MYOM1: variants seen among roughly 807,000 people sequenced by gnomAD.
MYOM1 encodes myomesin 1.
In MYOM1, 164 loss-of-function variants were observed where a neutral mutation model predicts 205.3. That is an observed-to-expected ratio of 0.80 (90% CI 0.70 to 0.91). The LOEUF (loss-of-function observed/expected upper bound fraction) is 0.91, where lower values mean the gene tolerates loss of function less well. Ranked by LOEUF, MYOM1 falls within the 40% of genes least tolerant of loss-of-function variation. The pLI is 0.00. For missense variants in MYOM1, 2,011 were observed against 2,127.3 expected, an observed-to-expected ratio of 0.95 and a Z score of 1.08; for synonymous variants, 772 against 789.4, an observed-to-expected ratio of 0.98 and a Z score of 0.37.
At chr18:3,161,495 G>A (rs1486377714) in intron 10 of MYOM1, among the ~76,000 whole-genome samples, 1 of 152,150 alleles carries the variant, frequency 6.6e-6, no homozygotes, top group East Asian at 1.9e-4. Context: ...AGTGATGAGG[G>A]CACTAAGCAG....
intron 23 of MYOM1, 67 bp downstream of exon 23, chr18:3,102,407 A>T: frequency 6.9e-7 from 1 of 1,441,262 alleles, no homozygotes; most frequent in South Asian, 1.5e-5. Context: ...TTAAGTGGAA[A>T]TCAGAGCTCA....
chr18:3,108,675 G>C (rs1321347849), intron 22 of MYOM1, among the ~76,000 whole-genome samples: 1 of 151,868 alleles, frequency 6.6e-6, no homozygotes, highest in African/African-American at 2.4e-5. Flanking sequence ...CAAGTAGCTG[G>C]GATTACAGGT....
intron 19 of MYOM1, among the ~76,000 whole-genome samples, chr18:3,124,702 C>T (rs570701594): frequency 3.3e-5 from 5 of 151,882 alleles, no homozygotes; most frequent in Non-Finnish European, 7.4e-5. Context: ...GCTTAACTCA[C>T]AGCATATAAA....
chr18:3,137,961 TA>T (rs146244331), intron 14 of MYOM1, among the ~76,000 whole-genome samples: 2,146 of 152,250 alleles, frequency 0.014, 46 homozygotes, highest in African/African-American at 0.047. Flanking sequence ...AAAACCAGAT[TA>T]AAAAAAGATG....
intron 14 of MYOM1, among the ~76,000 whole-genome samples, chr18:3,140,602 A>C (rs1457634658): frequency 6.6e-6 from 1 of 152,238 alleles, no homozygotes; most frequent in Non-Finnish European, 1.5e-5. Flanking sequence ...ATGCAGCTCA[A>C]AGATATTTGC....
intron 11 of MYOM1, 98 bp downstream of exon 11, chr18:3,154,849 G>T: frequency 1.5e-6 from 2 of 1,347,112 alleles, no homozygotes; most frequent in Non-Finnish European, 2.0e-6. Flanking sequence ...GGAGAGGAAA[G>T]CCAGAAAAGA....
At chr18:3,181,732 A>ATT (rs11448786) in intron 5 of MYOM1, among the ~76,000 whole-genome samples, 6,182 of 126,974 alleles carry the variant, frequency 0.049, 521 homozygotes, top group African/African-American at 0.15. Flanking sequence ...AAACTGAATA[A>ATT]TTTTTTTTTT....
intron 19 of MYOM1, 51 bp from the exon 20 acceptor site, chr18:3,120,046 T>C (rs1196099061): frequency 6.6e-7 from 1 of 1,519,752 alleles, no homozygotes; most frequent in Non-Finnish European, 8.8e-7. Context: ...TTTGTTTTTT[T>C]TTTTCTACTT....
At chr18:3,082,102 C>T (rs1170571446) in intron 33 of MYOM1, among the ~76,000 whole-genome samples, 3 of 152,242 alleles carry the variant, frequency 2.0e-5, no homozygotes, top group African/African-American at 7.2e-5. Flanking sequence ...AGGGTTCGCG[C>T]TCCTATGAGA....
intron 25 of MYOM1, among the ~76,000 whole-genome samples, chr18:3,097,145 A>G (rs902727829): frequency 1.3e-5 from 2 of 152,232 alleles, no homozygotes; most frequent in African/African-American, 4.8e-5. Context: ...GAAATAAGAC[A>G]GTTTAAAACT....
intron 10 of MYOM1, among the ~76,000 whole-genome samples, chr18:3,159,853 G>A (rs1382841338): frequency 6.6e-6 from 1 of 151,644 alleles, no homozygotes; most frequent in Non-Finnish European, 1.5e-5. Flanking sequence ...ATCTTTTTGG[G>A]GTGATGTAAA....
chr18:3,072,350 C>CTTTTTTTTTTTTTTTTTTTTTTTTT (rs78331937), intron 36 of MYOM1, among the ~76,000 whole-genome samples: 2 of 56,226 alleles, frequency 3.6e-5, no homozygotes, highest in African/African-American at 1.9e-4. Flanking sequence ...CCGCACCCGG[C>CTTTTTTTTTTTTTTTTTTTTTTTTT]TTTTTTTTTT....
At chr18:3,118,689 G>C (rs1315279468) in intron 20 of MYOM1, among the ~76,000 whole-genome samples, 1 of 152,068 alleles carries the variant, frequency 6.6e-6, no homozygotes, top group East Asian at 1.9e-4. Flanking sequence ...GAATTTCTTA[G>C]TCTCTAGTCG....
the MYOM1 span, among the ~76,000 whole-genome samples, chr18:3,233,760 T>A: frequency 6.6e-6 from 1 of 152,190 alleles, no homozygotes; most frequent in African/African-American, 2.4e-5. Context: ...CCATAATACA[T>A]CTACAGGTGG....
At chr18:3,238,234 T>C in the MYOM1 span, among the ~76,000 whole-genome samples, 1 of 152,080 alleles carries the variant, frequency 6.6e-6, no homozygotes, top group Non-Finnish European at 1.5e-5. Context: ...TTCCTCGCAA[T>C]GCACAGTTCA....
intron 31 of MYOM1, 67 bp downstream of exon 31, chr18:3,084,978 C>T: frequency 8.2e-7 from 1 of 1,216,876 alleles, no homozygotes; most frequent in Admixed American, 2.4e-5. Context: ...AGCTCGGCCT[C>T]AATCATCATT....
intron 10 of MYOM1, among the ~76,000 whole-genome samples, chr18:3,161,693 C>A (rs2080393279): frequency 6.6e-6 from 1 of 152,208 alleles, no homozygotes; most frequent in South Asian, 2.1e-4. Flanking sequence ...TTTGTTATTT[C>A]ATTTCAGCAG....
At chr18:3,173,323 C>A (rs1047341751) in intron 8 of MYOM1, among the ~76,000 whole-genome samples, 1 of 151,966 alleles carries the variant, frequency 6.6e-6, no homozygotes, top group East Asian at 1.9e-4. Context: ...TTATTGAATA[C>A]CCACTCTGTG....
At chr18:3,132,183 G>A (rs1342948301) in intron 16 of MYOM1, among the ~76,000 whole-genome samples, 3 of 147,266 alleles carry the variant, frequency 2.0e-5, no homozygotes, top group African/African-American at 5.0e-5. Context: ...ACGGAGTCTC[G>A]CTCTGTTGCC....
Sources: allele counts gnomAD v4.1 joint callset (sites outside exome capture counted in the v4.1 genomes callset), GRCh38; gene constraint gnomAD v4.1.1; transcripts MANE v1.5; gene names NCBI Gene and HGNC (gene_info 2026-07-23, HGNC 2026-07-21).